The following CHAF1B variants were observed in gnomAD, a reference collection of about 807,000 sequenced individuals.
CHAF1B encodes the protein chromatin assembly factor 1 subunit B.
A neutral mutation model predicts 60.7 loss-of-function variants in CHAF1B; 10 were observed. That is an observed-to-expected ratio of 0.16 (90% CI 0.10 to 0.28). The LOEUF (loss-of-function observed/expected upper bound fraction) is 0.28, where lower values mean the gene tolerates loss of function less well. Among genes scored for constraint, CHAF1B ranks in the 10% least tolerant of loss-of-function variants. CHAF1B has a pLI of 1.00. For synonymous variants in CHAF1B, 261 were observed against 266.1 expected (o/e 0.98, Z 0.19); for missense variants, 558 against 708.4 (o/e 0.79, Z 2.41).
chr21:36,408,370 A>G (rs999846458), intron 8 of CHAF1B, among the ~76,000 whole-genome samples: 3 of 152,130 alleles, frequency 2.0e-5, no homozygotes, highest in Admixed American at 6.5e-5. Context: ...CCAAGGCTGG[A>G]ATCCAGGAAA....
At chr21:36,396,358 CAAAAAAAAAAAAA>C (rs777079304) in intron 5 of CHAF1B, among the ~76,000 whole-genome samples, 1 of 52,816 alleles carries the variant, frequency 1.9e-5, no homozygotes, top group African/African-American at 6.9e-5. Context: ...CCAAAAACCT[CAAAAAAAAAAAAA>C]AAAAAAAAAA....
intron 5 of CHAF1B, 80 bp downstream of exon 5, chr21:36,394,730 CTTTTTTTTTTT>C (rs370521957): frequency 7.4e-6 from 4 of 539,206 alleles, no homozygotes; most frequent in Non-Finnish European, 1.2e-5. Context: ...CTTGCTTTAA[CTTTTTTTTTTT>C]TTTTTTTTGA....
intron 2 of CHAF1B, among the ~76,000 whole-genome samples, chr21:36,386,751 T>A (rs1474604712): frequency 6.6e-6 from 1 of 151,902 alleles, no homozygotes; most frequent in Non-Finnish European, 1.5e-5. Context: ...TCTTGCTCTG[T>A]TGCCCAGGTG....
chr21:36,386,853 A>G (rs958382850), intron 2 of CHAF1B, among the ~76,000 whole-genome samples: 1 of 151,964 alleles, frequency 6.6e-6, no homozygotes, highest in Non-Finnish European at 1.5e-5. Flanking sequence ...AACTGGGACT[A>G]CAGCCGCTCA....
chr21:36,411,139 A>G (rs2086275263), intron 10 of CHAF1B, among the ~76,000 whole-genome samples: 1 of 143,008 alleles, frequency 7.0e-6, no homozygotes, highest in Non-Finnish European at 1.5e-5. Context: ...TTTGTGACAG[A>G]GTCTTCCTCT....
chr21:36,401,631 A>ATACATAATATATATTTTTATAT (rs2086192432), intron 7 of CHAF1B, among the ~76,000 whole-genome samples: 1 of 138,814 alleles, frequency 7.2e-6, no homozygotes, highest in Non-Finnish European at 1.5e-5. Flanking sequence ...TTTTTATATT[A>ATACATAATATATATTTTTATAT]TATATAATAT....
intron 4 of CHAF1B, among the ~76,000 whole-genome samples, chr21:36,391,907 ATTTTTTTTTTTTTTTTT>A (rs55920360): frequency 1.2e-4 from 8 of 67,052 alleles, no homozygotes; most frequent in Non-Finnish European, 2.0e-4. Context: ...TGATTTTTAA[ATTTTTTTTTTTTTTTTT>A]TTTTTTTTTT....
chr21:36,390,333 C>CAAAAAAAAAAAAAAA (rs1555911920), intron 3 of CHAF1B, among the ~76,000 whole-genome samples: 1 of 81,934 alleles, frequency 1.2e-5, no homozygotes, highest in Non-Finnish European at 2.8e-5. Flanking sequence ...AACACCATCT[C>CAAAAAAAAAAAAAAA]AAAAAAAAAA....
chr21:36,392,000 A>G (rs556603225), intron 4 of CHAF1B, among the ~76,000 whole-genome samples: 3 of 144,042 alleles, frequency 2.1e-5, no homozygotes, highest in African/African-American at 8.1e-5. Flanking sequence ...TCATAGGACA[A>G]TAGTGGAGGG....
chr21:36,387,567 G>A (rs777079920), intron 2 of CHAF1B, 31 bp from the exon 3 acceptor site: 59 of 1,613,160 alleles, frequency 3.7e-5, no homozygotes, highest in Middle Eastern at 1.6e-4. Flanking sequence ...CCCATTCTAT[G>A]TTTTTCAAAT....
chr21:36,406,669 A>G (rs189462132), intron 8 of CHAF1B, among the ~76,000 whole-genome samples: 5 of 152,276 alleles, frequency 3.3e-5, no homozygotes, highest in African/African-American at 1.2e-4. Context: ...TTGTGGAATG[A>G]CTAAATCTAG....
intron 12 of CHAF1B, 49 bp downstream of exon 12, chr21:36,413,364 G>T (rs765219296): frequency 6.7e-7 from 1 of 1,500,768 alleles, no homozygotes; most frequent in Non-Finnish European, 8.9e-7. Context: ...AACACAAAAT[G>T]CAGACAGAAC....
rs202093155 is a variant in CHAF1B, at chr21:36,416,405, G to A, written c.*39G>A. 5.2e-6 allele frequency: 8 copies of A among 1,544,664 alleles called. No individual in the cohort carries two copies. The highest frequency in any genetic ancestry group is 1.8e-4 in the Middle Eastern group (1 of 5,426). On this transcript the variant is annotated 3_prime_UTR_variant, in exon 14 of 14. Coordinates refer to ENST00000314103, the MANE Select transcript of CHAF1B (RefSeq NM_005441.3). Reference sequence around the variant, plus strand: ...TCTGCTCGAAGCCTACCAGGCTCCCGGTGTGTGCAGGGAGACGGTAAAGCT... The same window carrying A: ...TCTGCTCGAAGCCTACCAGGCTCCCAGTGTGTGCAGGGAGACGGTAAAGCT...
chr21:36,416,555 T>A lies in CHAF1B; in HGVS notation c.*189T>A. On this transcript the variant is annotated 3_prime_UTR_variant, in exon 14 of 14. Coordinates refer to ENST00000314103, the MANE Select transcript of CHAF1B (RefSeq NM_005441.3). ...GATGCTGTTGTATTCAGTATCCATT[T>A]TTAACTTGGGACATGAACGTTTTAA... The A allele has an allele frequency of 2.1e-6, 1 of 475,682 alleles. No individual in the cohort carries two copies. The highest frequency in any genetic ancestry group is 3.8e-6 in the Non-Finnish European group (1 of 265,830). 29.5% of individuals were successfully genotyped at this position (475,682 alleles called of 1,614,324 possible). A position where few individuals can be genotyped will look rare whatever the true frequency, so the allele number is the denominator to read the frequency against.
intron 7 of CHAF1B, among the ~76,000 whole-genome samples, chr21:36,399,908 G>A (rs2086173189): frequency 1.3e-5 from 2 of 152,210 alleles, no homozygotes; most frequent in South Asian, 2.1e-4. Flanking sequence ...GCCGGGCGCC[G>A]TGGCTCATGA....
chr21:36,388,506 A>G (rs1227070306), intron 3 of CHAF1B, among the ~76,000 whole-genome samples: 1 of 126,456 alleles, frequency 7.9e-6, no homozygotes. Flanking sequence ...TCTCACTGTT[A>G]TCTAGGCTGG....
intron 3 of CHAF1B, 120 bp downstream of exon 3, chr21:36,387,850 CTCTTGTTCCCCAGGCTGGA>C: frequency 8.2e-7 from 1 of 1,225,996 alleles, no homozygotes; most frequent in Non-Finnish European, 1.1e-6. Flanking sequence ...TAGAGTTTCA[CTCTTGTTCCCCAGGCTGGA>C]GTGCAGTGGT....
Position 36,416,650 on chromosome 21 carries a change from G to C in CHAF1B, c.*284G>C, listed in dbSNP as rs1399901919. 1.8e-5 allele frequency: 5 copies of C among 277,362 alleles called. No individual in the cohort carries two copies. The Admixed American group carries it at 1.9e-4, about 11-fold the overall frequency. The allele number at this position is 277,362 out of a possible 1,614,324, so 17.2% of individuals were successfully genotyped here. A position where few individuals can be genotyped will look rare whatever the true frequency, so the allele number is the denominator to read the frequency against. Reference sequence around the variant, plus strand: ...TCAACGTTATCCAGTGTGAAAATCAGTGAGTCCTCCCTGGCATCCTCGTGA... The same window carrying C: ...TCAACGTTATCCAGTGTGAAAATCACTGAGTCCTCCCTGGCATCCTCGTGA... On this transcript the variant is annotated 3_prime_UTR_variant, in exon 14 of 14. Transcript: ENST00000314103.
rs1364831032 is a variant in CHAF1B, at chr21:36,417,074, A to T, written c.*708A>T. 1 of 152,146 alleles carries T rather than the reference A, an allele frequency of 6.6e-6. No individual in the cohort carries two copies. The highest frequency in any genetic ancestry group is 2.4e-5 in the African/African-American group (1 of 41,432). The allele number at this position is 152,146 out of a possible 1,614,324, so 9.4% of individuals were successfully genotyped here. A position where few individuals can be genotyped will look rare whatever the true frequency, so the allele number is the denominator to read the frequency against. On this transcript the variant is annotated 3_prime_UTR_variant, in exon 14 of 14. Transcript: ENST00000314103. ...ATTGGTTTTTCAAAGCAAAAAAAGT[A>T]TCTTTTTTGTTTTTTGAGACAGGGT... is the stretch of plus-strand genomic sequence containing the variant.
Sources: allele counts gnomAD v4.1 joint callset (sites outside exome capture counted in the v4.1 genomes callset), GRCh38; gene constraint gnomAD v4.1.1; transcripts MANE v1.5; gene names NCBI Gene and HGNC (gene_info 2026-07-23, HGNC 2026-07-21).